The following DCLK3 variants were observed in gnomAD, a reference collection of about 807,000 sequenced individuals.
The protein encoded by DCLK3 is doublecortin like kinase 3, also known as serine/threonine-protein kinase DCLK3.
Under a neutral mutation model 46.4 loss-of-function variants are expected in DCLK3, and 30 were observed. The ratio of observed to expected loss-of-function variants is 0.65; its 90% confidence interval spans 0.48 to 0.88. The LOEUF is 0.88. Among genes scored for constraint, DCLK3 ranks in the 40% least tolerant of loss-of-function variants. DCLK3 has a pLI of 0.00. For synonymous variants in DCLK3, 401 were observed against 339.2 expected (o/e 1.18, Z -2.00); for missense variants, 846 against 907.1 (o/e 0.93, Z 0.87).
chr3:36,715,558 C>A, intron 4 of DCLK3, 37 bp from the exon 5 acceptor site: 1 of 1,505,910 alleles, frequency 6.6e-7, no homozygotes, highest in Non-Finnish European at 8.9e-7. Flanking sequence ...GTGATGAATG[C>A]AGGTGGTTCT....
intron 1 of DCLK3, among the ~76,000 whole-genome samples, chr3:36,762,924 CA>C (rs1701551942): frequency 6.6e-6 from 1 of 152,020 alleles, no homozygotes; most frequent in Non-Finnish European, 1.5e-5. Context: ...GGCTGTGAGG[CA>C]AACCCAATAC....
At chr3:36,722,660 T>G (rs1014836318) in intron 2 of DCLK3, among the ~76,000 whole-genome samples, 1 of 152,182 alleles carries the variant, frequency 6.6e-6, no homozygotes, top group African/African-American at 2.4e-5. Flanking sequence ...AGTGAATCAA[T>G]CTCATGAGAT....
chr3:36,739,244 C>A (rs765079763), intron 1 of DCLK3, among the ~76,000 whole-genome samples, 160 bp from the exon 2 acceptor site: 1 of 152,122 alleles, frequency 6.6e-6, no homozygotes, highest in Non-Finnish European at 1.5e-5. Flanking sequence ...ATACTTAGGT[C>A]TAATTCCCAG....
chr3:36,735,629 C>A (rs779539168), intron 2 of DCLK3, among the ~76,000 whole-genome samples: 1 of 152,230 alleles, frequency 6.6e-6, no homozygotes, highest in Admixed American at 6.5e-5. Context: ...CCTTCCCCCA[C>A]CTTCCCAGCT....
chr3:36,742,808 A>T (rs1701357090), intron 1 of DCLK3, among the ~76,000 whole-genome samples: 1 of 152,190 alleles, frequency 6.6e-6, no homozygotes, highest in South Asian at 2.1e-4. Context: ...GGGCAGGGAG[A>T]GCAAACAGCA....
intron 2 of DCLK3, among the ~76,000 whole-genome samples, chr3:36,726,288 T>A (rs1032426024): frequency 1.3e-5 from 2 of 151,996 alleles, no homozygotes; most frequent in African/African-American, 4.8e-5. Flanking sequence ...TTTCTCATGG[T>A]AGAAGCTGAT....
chr3:36,735,672 T>C (rs1208697896), intron 2 of DCLK3, among the ~76,000 whole-genome samples: 2 of 152,364 alleles, frequency 1.3e-5, no homozygotes, highest in South Asian at 4.1e-4. Flanking sequence ...AAAATCACTG[T>C]GCTCATTCAC....
rs1308510338 is a variant in DCLK3, at chr3:36,712,609, C to T, written c.*2719G>A. On this transcript the variant is annotated 3_prime_UTR_variant, in exon 5 of 5. Transcript: ENST00000636136. The stretch of plus-strand genomic sequence containing the variant: ...TGCAATCCTTCTGTCCCTCCTCTCC[C>T]CATTTCCATCTCCAGCAAACCCCCT... The T allele has an allele frequency of 3.3e-5, 5 of 152,186 alleles. No individual in the cohort carries two copies. The highest frequency in any genetic ancestry group is 7.3e-5 in the Non-Finnish European group (5 of 68,030). 9.4% of individuals were successfully genotyped at this position (152,186 alleles called of 1,614,324 possible).
At chr3:36,721,377 C>G (rs1408112765) in intron 3 of DCLK3, 150 bp downstream of exon 3, 1 of 1,101,418 alleles carries the variant, frequency 9.1e-7, no homozygotes, top group Non-Finnish European at 1.3e-6. Context: ...TTTGGTCAAG[C>G]CTACTTCAAA....
chr3:36,740,091 T>A (rs975977064), intron 1 of DCLK3, among the ~76,000 whole-genome samples: 8 of 152,080 alleles, frequency 5.3e-5, no homozygotes, highest in Admixed American at 4.6e-4. Flanking sequence ...CATGGACTGC[T>A]TGTGTGAACC....
intron 1 of DCLK3, among the ~76,000 whole-genome samples, chr3:36,757,869 TCAA>T (rs1475059803): frequency 6.6e-6 from 1 of 151,874 alleles, no homozygotes; most frequent in African/African-American, 2.4e-5. Context: ...CACATCGCAG[TCAA>T]CCTCAAAGTC....
intron 2 of DCLK3, among the ~76,000 whole-genome samples, chr3:36,725,182 G>A (rs1237372551): frequency 6.6e-6 from 1 of 152,086 alleles, no homozygotes; most frequent in East Asian, 1.9e-4. Context: ...CCTGATGGCG[G>A]GCGCCTGTAG....
At chr3:36,717,066 A>G (rs1251456338) in intron 4 of DCLK3, among the ~76,000 whole-genome samples, 2 of 152,212 alleles carry the variant, frequency 1.3e-5, no homozygotes, top group African/African-American at 4.8e-5. Flanking sequence ...CTAAAATTCA[A>G]TAGCATGTTT....
At chr3:36,756,192 G>T (rs1050482470) in intron 1 of DCLK3, among the ~76,000 whole-genome samples, 1 of 152,226 alleles carries the variant, frequency 6.6e-6, no homozygotes, top group African/African-American at 2.4e-5. Flanking sequence ...CCTGGGCTCA[G>T]TTCTGCTGGG....
intron 1 of DCLK3, among the ~76,000 whole-genome samples, chr3:36,745,059 T>C (rs1464544285): frequency 2.6e-5 from 4 of 152,210 alleles, no homozygotes; most frequent in Non-Finnish European, 5.9e-5. Context: ...CTCCACCTTA[T>C]TAGGCTGGAA....
intron 3 of DCLK3, among the ~76,000 whole-genome samples, chr3:36,720,845 G>A (rs1055498486): frequency 3.9e-4 from 59 of 152,176 alleles, no homozygotes; most frequent in Middle Eastern, 6.8e-3. Context: ...TCTGCTGCTG[G>A]GAAACTATCC....
At chr3:36,742,837 C>T (rs1295719339) in intron 1 of DCLK3, among the ~76,000 whole-genome samples, 1 of 152,168 alleles carries the variant, frequency 6.6e-6, no homozygotes, top group African/African-American at 2.4e-5. Context: ...ACAGCATATC[C>T]TTTAGGCCTG....
intron 1 of DCLK3, among the ~76,000 whole-genome samples, chr3:36,740,246 A>G (rs1701330629): frequency 6.6e-6 from 1 of 151,874 alleles, no homozygotes; most frequent in South Asian, 2.1e-4. Context: ...CATAGTAAGG[A>G]CATAATAGTT....
intron 2 of DCLK3, among the ~76,000 whole-genome samples, chr3:36,721,995 T>C (rs951955220): frequency 6.6e-6 from 1 of 152,250 alleles, no homozygotes; most frequent in African/African-American, 2.4e-5. Flanking sequence ...CACTTGTGGC[T>C]TGTGGCTACT....
Sources: allele counts gnomAD v4.1 joint callset (sites outside exome capture counted in the v4.1 genomes callset), GRCh38; gene constraint gnomAD v4.1.1; transcripts MANE v1.5; gene names NCBI Gene and HGNC (gene_info 2026-07-23, HGNC 2026-07-21).